Variants in PHKB observed in about 807,000 individuals in gnomAD.
PHKB encodes the protein phosphorylase kinase regulatory subunit beta, also known as phosphorylase b kinase regulatory subunit beta.
Under a neutral mutation model 152.1 loss-of-function variants are expected in PHKB, and 122 were observed. The observed-to-expected ratio is 0.80, with a 90% CI of 0.69 to 0.93. The LOEUF is 0.93. Among genes scored for constraint, PHKB ranks in the 40% least tolerant of loss-of-function variants. The probability of loss-of-function intolerance (pLI) is 0.00; values close to 1 mark genes in which losing one functional copy is unlikely to be tolerated. For synonymous variants in PHKB, 436 were observed against 464.9 expected (o/e 0.94, Z 0.80); for missense variants, 1,304 against 1,328.4 (o/e 0.98, Z 0.29).
chr16:47,528,386 T>A (rs1970802248), intron 6 of PHKB, among the ~76,000 whole-genome samples: 1 of 152,118 alleles, frequency 6.6e-6, no homozygotes, highest in East Asian at 1.9e-4. Context: ...AGAGAATAGC[T>A]CTCTAGCTAG....
At chr16:47,625,129 G>A (rs1159266007) in intron 14 of PHKB, among the ~76,000 whole-genome samples, 1 of 151,970 alleles carries the variant, frequency 6.6e-6, no homozygotes, top group Non-Finnish European at 1.5e-5. Context: ...CTTCACTATA[G>A]TCCAGGTCAC....
intron 7 of PHKB, among the ~76,000 whole-genome samples, chr16:47,559,262 A>G (rs1435262645): frequency 2.0e-5 from 3 of 152,176 alleles, no homozygotes; most frequent in Admixed American, 2.0e-4. Flanking sequence ...TTCTTGTTCC[A>G]GTACTACCGT....
At chr16:47,482,805 C>T (rs541864043) in intron 1 of PHKB, among the ~76,000 whole-genome samples, 13 of 152,146 alleles carry the variant, frequency 8.5e-5, no homozygotes, top group Non-Finnish European at 1.9e-4. Flanking sequence ...ACTGCAACCT[C>T]TGCCTCCTGG....
At chr16:47,640,050 T>C (rs1972988885) in intron 14 of PHKB, among the ~76,000 whole-genome samples, 2 of 152,250 alleles carry the variant, frequency 1.3e-5, no homozygotes, top group Non-Finnish European at 2.9e-5. Context: ...TTAAATCACA[T>C]GAAAGTCTGC....
At chr16:47,500,516 A>G (rs1460988980) in intron 3 of PHKB, among the ~76,000 whole-genome samples, 2 of 152,196 alleles carry the variant, frequency 1.3e-5, no homozygotes, top group Non-Finnish European at 1.5e-5. Flanking sequence ...ATGATGACTA[A>G]ATGTTGCAGA....
intron 14 of PHKB, among the ~76,000 whole-genome samples, chr16:47,634,420 G>T (rs975825658): frequency 2.0e-5 from 3 of 152,206 alleles, no homozygotes; most frequent in Admixed American, 6.5e-5. Flanking sequence ...GTGTGGGGAG[G>T]TGGCAGTAGA....
chr16:47,477,820 A>G (rs779748520), intron 1 of PHKB, among the ~76,000 whole-genome samples: 48 of 152,318 alleles, frequency 3.2e-4, no homozygotes, highest in Non-Finnish European at 6.2e-4. Flanking sequence ...TTATTCATCT[A>G]CATTGTAATC....
In PHKB at chr16:47,575,608, A is replaced by G. The variant is rs1971736300; in HGVS notation, c.711-4687A>G. Reference sequence around the variant, plus strand: ...TAAAACTAAACTAACTCAGAAAGAGAAAGTCAAATACTATATATTCTCACT... The same window carrying G: ...TAAAACTAAACTAACTCAGAAAGAGGAAGTCAAATACTATATATTCTCACT... On this transcript the variant is annotated intron_variant, in intron 7 of 30. Transcript: ENST00000323584. 2.0e-5 allele frequency among the ~76,000 whole-genome samples: 3 copies of G among 152,242 alleles called. No homozygotes were observed. In the South Asian group the frequency reaches 6.2e-4, roughly 32 times the overall value.
At chr16:47,507,051 G>A (rs1970432416) in intron 4 of PHKB, among the ~76,000 whole-genome samples, 1 of 152,138 alleles carries the variant, frequency 6.6e-6, no homozygotes, top group Non-Finnish European at 1.5e-5. Flanking sequence ...ACAGCTCACT[G>A]CAGCCTTGAC....
At chr16:47,470,405 G>C (rs1969744989) in intron 1 of PHKB, among the ~76,000 whole-genome samples, 1 of 152,214 alleles carries the variant, frequency 6.6e-6, no homozygotes, top group South Asian at 2.1e-4. Context: ...ATGCCTTTAA[G>C]CGGTTTTAGG....
chr16:47,474,832 C>G (rs903952423), intron 1 of PHKB, among the ~76,000 whole-genome samples: 5 of 151,924 alleles, frequency 3.3e-5, no homozygotes, highest in African/African-American at 1.2e-4. Flanking sequence ...TCAAGCGATT[C>G]TCCTGCCTCA....
At chr16:47,648,477 T>G in intron 16 of PHKB, 56 bp from the exon 17 acceptor site, 10 of 1,154,660 alleles carry the variant, frequency 8.7e-6, no homozygotes, top group Non-Finnish European at 1.3e-5. Context: ...TACTCAGGGG[T>G]GAGAAAGTGA....
intron 4 of PHKB, 116 bp downstream of exon 4, chr16:47,503,206 C>A (rs1019807986): frequency 2.6e-6 from 2 of 780,472 alleles, no homozygotes; most frequent in Non-Finnish European, 4.4e-6. Flanking sequence ...AAGCCACATC[C>A]TAGGGCGGCC....
chr16:47,598,606 A>G (rs1972164629), intron 13 of PHKB: 12 of 1,116,902 alleles, frequency 1.1e-5, no homozygotes, highest in Middle Eastern at 3.0e-4. Context: ...ATAGCAGAAT[A>G]TTTAATTACA....
At chr16:47,626,429 G>C (rs1972711416) in intron 14 of PHKB, among the ~76,000 whole-genome samples, 1 of 152,214 alleles carries the variant, frequency 6.6e-6, no homozygotes, top group Non-Finnish European at 1.5e-5. Flanking sequence ...AAAGAAGAAA[G>C]TAGAGCAGGT....
At chr16:47,539,364 C>CT (rs1373058195) in intron 6 of PHKB, among the ~76,000 whole-genome samples, 2 of 150,464 alleles carry the variant, frequency 1.3e-5, no homozygotes, top group Non-Finnish European at 3.0e-5. Context: ...CAGATAAGTA[C>CT]TTTTTTTTTA....
chr16:47,582,724 A>G (rs1971868639), intron 8 of PHKB, among the ~76,000 whole-genome samples: 1 of 152,224 alleles, frequency 6.6e-6, no homozygotes, highest in South Asian at 2.1e-4. Context: ...GGAGCTATGC[A>G]CCAAATATTT....
chr16:47,579,179 C>A (rs1006390192), intron 7 of PHKB, among the ~76,000 whole-genome samples: 4 of 152,164 alleles, frequency 2.6e-5, no homozygotes, highest in African/African-American at 9.7e-5. Context: ...ATTATGTCTA[C>A]TCCATCTTCC....
At chr16:47,577,923 GTCTC>G (rs1258556764) in intron 7 of PHKB, among the ~76,000 whole-genome samples, 4 of 152,008 alleles carry the variant, frequency 2.6e-5, no homozygotes, top group African/African-American at 9.7e-5. Context: ...TTTGCCCTCT[GTCTC>G]TCTCCTTTAG....
Sources: gnomAD v4.1 joint callset for allele counts (sites outside exome capture counted in the v4.1 genomes callset) on GRCh38, gnomAD v4.1.1 for gene constraint, MANE v1.5 for transcripts, NCBI Gene and HGNC (gene_info 2026-07-23, HGNC 2026-07-21) for gene names.